The following DPY19L4 variants were observed in gnomAD, a reference collection of about 807,000 sequenced individuals.
DPY19L4 encodes probable C-mannosyltransferase DPY19L4.
Under a neutral mutation model 102.8 loss-of-function variants are expected in DPY19L4, and 97 were observed. That is an observed-to-expected ratio of 0.94 (90% CI 0.80 to 1.12). DPY19L4 has a LOEUF of 1.12. Among genes scored for constraint, DPY19L4 ranks in the 50% most tolerant of loss-of-function variants. DPY19L4 has a pLI of 0.00. For synonymous variants in DPY19L4, 252 were observed against 283.1 expected, an observed-to-expected ratio of 0.89 and a Z score of 1.10; for missense variants, 815 against 850.4, an observed-to-expected ratio of 0.96 and a Z score of 0.52.
chr8:94,768,434 G>T lies in DPY19L4; in HGVS notation c.1215G>T (p.Leu405=). 1.2e-6 allele frequency: 2 copies of T among 1,609,306 alleles called. No individual in the cohort carries two copies. Among genetic ancestry groups the T allele is most frequent in the Non-Finnish European group, 1.7e-6 (2 of 1,178,612 alleles). The change falls in exon 12 of 19, where the codon CTG becomes CTT. Residue 405 remains leucine, a synonymous_variant. Transcript: ENST00000414645. ...TMNWLLCQES[L]QAPSQDFFLR... Reference sequence around the variant, plus strand: ...ATTGGCTCCTCTGTCAAGAATCCCTGCAGGCACCATCTCAAGATTTTTTTC... The same window carrying T: ...ATTGGCTCCTCTGTCAAGAATCCCTTCAGGCACCATCTCAAGATTTTTTTC...
chr8:94,738,439 A>G lies in DPY19L4; in HGVS notation c.323A>G (p.Lys108Arg). 6.4e-7 allele frequency: 1 copy of G among 1,554,204 alleles called. No homozygotes were observed. The highest frequency in any genetic ancestry group is 1.9e-5 in the Admixed American group (1 of 52,206). ...TACTCCTATTATAAAGATATGTTAA[A>G]GGCACCTTCATTTGAAAGAGGTATG... ...IYYSYYKDML[K>R]APSFERGVYE... is the part of the protein sequence containing the mutation. The change falls in exon 4 of 19, where the codon AAG becomes AGG. Residue 108 changes from lysine (K) to arginine (R), a missense_variant. Transcript: ENST00000414645.
chr8:94,729,450 T>A lies in DPY19L4; in HGVS notation c.127+3009T>A, dbSNP rs1471136590. On this transcript the variant is annotated intron_variant, in intron 2 of 18. Coordinates refer to ENST00000414645, the MANE Select transcript of DPY19L4 (RefSeq NM_181787.3). ...CTACAAAAAATCAGAAAAAAAAAAA[T>A]CAGCCAAGTGTGGTGGTGTGCCCCT... is the stretch of plus-strand genomic sequence containing the variant. Among the ~76,000 whole-genome samples the A allele has an allele frequency of 3.5e-5, 5 of 144,310 alleles. No individual in the cohort carries two copies. In the East Asian group the frequency reaches 1.0e-3, roughly 29 times the overall value. 94.7% of individuals were successfully genotyped at this position (144,310 alleles called of 152,430 possible). A position where few individuals can be genotyped will look rare whatever the true frequency, so the allele number is the denominator to read the frequency against.
At position 94,791,779 on chromosome 8, in the gene DPY19L4, A is replaced by G. The variant is rs1813894935; in HGVS notation, c.*1869A>G. On this transcript the variant is annotated 3_prime_UTR_variant, in exon 19 of 19. Coordinates refer to ENST00000414645, the MANE Select transcript of DPY19L4 (RefSeq NM_181787.3). ...GTACTTGTGTTTTGTTTGACATATT[A>G]GTAAGTTGCTTTTGCTTCTTTCTGT... 1 of 152,144 alleles carries G rather than the reference A, an allele frequency of 6.6e-6. No individual in the cohort carries two copies. The highest frequency in any genetic ancestry group is 6.5e-5 in the Admixed American group (1 of 15,272). The allele number at this position is 152,144 out of a possible 1,614,324, so 9.4% of individuals were successfully genotyped here.
intron 1 of DPY19L4, among the ~76,000 whole-genome samples, chr8:94,721,323 A>G (rs78448966): frequency 0.014 from 2,131 of 152,368 alleles, 55 homozygotes; most frequent in African/African-American, 0.048. Context: ...AAAATTAAGC[A>G]TAAGAAGTGT....
At chr8:94,773,480 G>A (rs1012387032) in intron 13 of DPY19L4, among the ~76,000 whole-genome samples, 1 of 151,992 alleles carries the variant, frequency 6.6e-6, no homozygotes, top group African/African-American at 2.4e-5. Flanking sequence ...CGCCCAGGCT[G>A]GAGTGTAGTG....
chr8:94,774,578 T>TC lies in DPY19L4; in HGVS notation c.1455-3087dup, dbSNP rs200234986. Among the ~76,000 whole-genome samples, 879 of 148,640 alleles carry TC rather than the reference T, an allele frequency of 5.9e-3. 5 individuals carry two copies. The highest frequency in any genetic ancestry group is 0.02 in the African/African-American group (820 of 40,418). On this transcript the variant is annotated intron_variant, in intron 13 of 18. Transcript: ENST00000414645. Reference sequence around the variant, plus strand: ...ATCACCATTTGACTTTCCACTTCTTTCTTTTTTTTTTTTTTTTGAGATGGA... The same window carrying TC: ...ATCACCATTTGACTTTCCACTTCTTTCCTTTTTTTTTTTTTTTTGAGATGGA...
In DPY19L4 at chr8:94,783,723, C is replaced by G; in HGVS notation, c.1769C>G (p.Ala590Gly). The G allele has an allele frequency of 6.2e-7, 1 of 1,614,044 alleles. No homozygotes were observed. The highest frequency in any genetic ancestry group is 8.5e-7 in the Non-Finnish European group (1 of 1,179,988). The change falls in exon 17 of 19, where the codon GCG becomes GGG. Residue 590 changes from alanine (A) to glycine (G), a missense_variant. Ala to Gly is a moderately conservative substitution (Grantham distance 60, BLOSUM62 0). Transcript: ENST00000414645. Reference sequence around the variant, plus strand: ...GCAGGGAGTCCACAGTTAATGGGTGCGATTAAATTATGCACTGGATGGATG... The same window carrying G: ...GCAGGGAGTCCACAGTTAATGGGTGGGATTAAATTATGCACTGGATGGATG... ...VFAGSPQLMG[A>G]IKLCTGWMVT... is the part of the protein sequence containing the mutation.
At chr8:94,767,835 T>C (rs913878985) in intron 11 of DPY19L4, among the ~76,000 whole-genome samples, 1 of 152,108 alleles carries the variant, frequency 6.6e-6, no homozygotes, top group African/African-American at 2.4e-5. Flanking sequence ...AAGAAACAAG[T>C]GAAATTAATT....
chr8:94,762,718 A>C (rs1812445331), intron 8 of DPY19L4, among the ~76,000 whole-genome samples: 1 of 152,076 alleles, frequency 6.6e-6, no homozygotes, highest in African/African-American at 2.4e-5. Flanking sequence ...TGGGCAACAT[A>C]GTGAGACCCT....
At chr8:94,789,388 T>G (rs529859298) in intron 18 of DPY19L4, among the ~76,000 whole-genome samples, 1 of 152,232 alleles carries the variant, frequency 6.6e-6, no homozygotes, top group South Asian at 2.1e-4. Context: ...ACGAGAAGAG[T>G]GAATATATTT....
chr8:94,740,763 G>C (rs924561200), intron 6 of DPY19L4, among the ~76,000 whole-genome samples: 3 of 151,776 alleles, frequency 2.0e-5, no homozygotes, highest in African/African-American at 7.3e-5. Context: ...CTGCAATACT[G>C]TTTTTTTTAT....
At chr8:94,779,204 C>T (rs1813319112) in intron 14 of DPY19L4, among the ~76,000 whole-genome samples, 1 of 121,228 alleles carries the variant, frequency 8.2e-6, no homozygotes. Context: ...CCTAGATTTT[C>T]TCTGTTTTAT....
chr8:94,769,394 T>C (rs1812824723), intron 12 of DPY19L4, among the ~76,000 whole-genome samples: 1 of 152,168 alleles, frequency 6.6e-6, no homozygotes, highest in African/African-American at 2.4e-5. Flanking sequence ...AAATAGGTAA[T>C]GTCCAGATTT....
chr8:94,734,677 G>C lies in DPY19L4; in HGVS notation c.175G>C (p.Ala59Pro). The C allele has an allele frequency of 6.2e-7, 1 of 1,614,046 alleles. No homozygotes were observed. Among genetic ancestry groups the C allele is most frequent in the East Asian group, 2.2e-5 (1 of 44,858 alleles). The change falls in exon 3 of 19, where the codon GCG (alanine) becomes CCG (proline). Residue 59 changes from alanine to proline, a missense_variant. By Grantham distance (27) the Ala-to-Pro change is conservative (BLOSUM62 -1). Coordinates refer to ENST00000414645, the MANE Select transcript of DPY19L4 (RefSeq NM_181787.3). ...FAKIFIGCLAAVTSGMMYALY... is the reference protein window; with the variant it reads ...FAKIFIGCLAPVTSGMMYALY... ...AAAGATTTTCATTGGCTGTCTTGCA[G>C]CGGTTACTAGTGGTATGATGTATGC...
At chr8:94,734,456 G>C (rs1191080575) in intron 2 of DPY19L4, among the ~76,000 whole-genome samples, 174 bp from the exon 3 acceptor site, 1 of 152,136 alleles carries the variant, frequency 6.6e-6, no homozygotes, top group African/African-American at 2.4e-5. Flanking sequence ...TTGACAGTTT[G>C]AGAGATATAT....
intron 7 of DPY19L4, among the ~76,000 whole-genome samples, chr8:94,759,523 T>TTTTTTTA (rs71273370): frequency 1.2e-5 from 1 of 83,318 alleles, no homozygotes; most frequent in Non-Finnish European, 2.6e-5. Flanking sequence ...TTTTTTTTTT[T>TTTTTTTA]GAGACGGAGT....
chr8:94,731,922 C>T (rs1810976192), intron 2 of DPY19L4, among the ~76,000 whole-genome samples: 1 of 152,108 alleles, frequency 6.6e-6, no homozygotes, highest in African/African-American at 2.4e-5. Flanking sequence ...TGCCCGCCAC[C>T]ACACCTGGCT....
chr8:94,745,553 A>G (rs1811634753), intron 6 of DPY19L4, among the ~76,000 whole-genome samples: 1 of 152,178 alleles, frequency 6.6e-6, no homozygotes, highest in Non-Finnish European at 1.5e-5. Context: ...TGTCCCAGAG[A>G]TACAATTGGC....
At position 94,788,007 on chromosome 8, in the gene DPY19L4, G is replaced by T; in HGVS notation, c.1962G>T (p.Met654Ile). Residue 654 changes from methionine (M) to isoleucine (I), a missense_variant, in exon 18 of 19, where the codon ATG becomes ATT. Met to Ile is a conservative substitution (Grantham distance 10). Coordinates refer to ENST00000414645, the MANE Select transcript of DPY19L4 (RefSeq NM_181787.3). ...CTATCTGCAATGAGGTGGGACCCAT[G>T]AGAGGCTGTAGGGTTAAAGATTTAT... ...EDAICNEVGP[M>I]RGCRVKDLLD... is the part of the protein sequence containing the mutation. The T allele has an allele frequency of 6.6e-7, 1 of 1,509,998 alleles. No individual in the cohort carries two copies. The highest frequency in any genetic ancestry group is 1.4e-5 in the South Asian group (1 of 73,322). 93.5% of individuals were successfully genotyped at this position (1,509,998 alleles called of 1,614,324 possible).
Sources: gnomAD v4.1 joint callset for allele counts (sites outside exome capture counted in the v4.1 genomes callset) on GRCh38, gnomAD v4.1.1 for gene constraint, MANE v1.5 for transcripts, NCBI Gene and HGNC (gene_info 2026-07-23, HGNC 2026-07-21) for gene names.